The following ABLIM1 variants were observed in gnomAD, a reference collection of about 807,000 sequenced individuals.
The protein encoded by ABLIM1 is actin-binding LIM protein 1.
Under a neutral mutation model 107.0 loss-of-function variants are expected in ABLIM1, and 40 were observed. That is an observed-to-expected ratio of 0.37 (90% CI 0.29 to 0.49). The LOEUF is 0.49. ABLIM1 is among the 20% of genes least tolerant of loss of function. ABLIM1 has a pLI of 0.97. For missense variants in ABLIM1, 857 were observed against 1,008.5 expected, an observed-to-expected ratio of 0.85 and a Z score of 2.04; for synonymous variants, 357 against 357.3, an observed-to-expected ratio of 1.00 and a Z score of 0.01.
chr10:114,539,373 C>A (rs576042269), intron 6 of ABLIM1, among the ~76,000 whole-genome samples: 41 of 151,878 alleles, frequency 2.7e-4, no homozygotes, highest in African/African-American at 6.8e-4. Flanking sequence ...ACAACAACAA[C>A]AAAAAAGAGG....
chr10:114,774,304 G>A, the ABLIM1 span, among the ~76,000 whole-genome samples: 1 of 152,170 alleles, frequency 6.6e-6, no homozygotes, highest in African/African-American at 2.4e-5. Context: ...AATAAAGTGA[G>A]TCCTATGAAT....
intron 1 of ABLIM1, among the ~76,000 whole-genome samples, chr10:114,722,294 G>A (rs1302566587): frequency 6.6e-6 from 1 of 152,100 alleles, no homozygotes; most frequent in Non-Finnish European, 1.5e-5. Context: ...CACATGGTCA[G>A]AGCAGGAGGA....
At chr10:114,447,333 T>A (rs2061160181) in intron 15 of ABLIM1, among the ~76,000 whole-genome samples, 1 of 152,238 alleles carries the variant, frequency 6.6e-6, no homozygotes, top group Admixed American at 6.5e-5. Flanking sequence ...AGAAGTAATA[T>A]TTCAGAACAC....
At chr10:114,445,243 G>T in intron 16 of ABLIM1, 69 bp downstream of exon 16, 1 of 1,391,936 alleles carries the variant, frequency 7.2e-7, no homozygotes, top group Non-Finnish European at 1.0e-6. Flanking sequence ...ATACATAGTA[G>T]TCATTCAAAA....
At chr10:114,637,075 A>G (rs1413932141) in intron 1 of ABLIM1, among the ~76,000 whole-genome samples, 1 of 149,266 alleles carries the variant, frequency 6.7e-6, no homozygotes, top group East Asian at 2.0e-4. Context: ...GGAGGTTTGC[A>G]GATCACCAGG....
intron 6 of ABLIM1, among the ~76,000 whole-genome samples, chr10:114,508,150 A>AT (rs997675566): frequency 6.6e-5 from 10 of 152,078 alleles, no homozygotes; most frequent in Non-Finnish European, 1.5e-4. Context: ...ACATTACAAA[A>AT]TTTTTTTTCT....
chr10:114,703,734 T>C (rs2081350991), intron 1 of ABLIM1, among the ~76,000 whole-genome samples: 1 of 152,218 alleles, frequency 6.6e-6, no homozygotes. Context: ...TTGTTTACAT[T>C]ATGTACTGTG....
intron 1 of ABLIM1, among the ~76,000 whole-genome samples, chr10:114,603,782 C>T (rs1390117764): frequency 2.6e-5 from 4 of 151,732 alleles, no homozygotes; most frequent in South Asian, 2.1e-4. Flanking sequence ...GGTGAAACCC[C>T]GTCTCTACTA....
intron 4 of ABLIM1, among the ~76,000 whole-genome samples, chr10:114,569,487 T>G (rs991947995): frequency 1.3e-5 from 2 of 151,984 alleles, no homozygotes; most frequent in Non-Finnish European, 2.9e-5. Flanking sequence ...GCTCGGCTAA[T>G]TTTTGTATTT....
chr10:114,619,032 TA>T lies in ABLIM1; in HGVS notation c.245-17072del, dbSNP rs1310202399. ...TTGCAAGGGTGCTTTCAAGTCAAGA[TA>T]GGGGTGATGACAGACATGCCCTGCA... is the stretch of plus-strand genomic sequence containing the variant. On this transcript the variant is annotated intron_variant, in intron 1 of 22. Transcript: ENST00000533213. This position sits in a 1 kb window ranked among gnomAD's most constrained non-coding sequence, Gnocchi z 4.1. 6.6e-6 allele frequency among the ~76,000 whole-genome samples: 1 copy of T among 152,106 alleles called. No individual in the cohort carries two copies. The highest frequency in any genetic ancestry group is 2.4e-5 in the African/African-American group (1 of 41,418).
At chr10:114,585,713 A>G (rs1313440384) in intron 2 of ABLIM1, among the ~76,000 whole-genome samples, 1 of 152,016 alleles carries the variant, frequency 6.6e-6, no homozygotes, top group Admixed American at 6.6e-5. Flanking sequence ...TCTTTTTACC[A>G]CTATGGTGAT....
rs531198180 is a variant in ABLIM1 at position 114,667,307 on chromosome 10, T to C, written c.64+16983A>G. On this transcript the variant is annotated intron_variant, in intron 1 of 23. Coordinates refer to the ABLIM1 transcript ENST00000369256. ...CTGTGAACCACTGCAAAAGTGACCA[T>C]GTAGTCCCAAAAACAGTGTATGATA... Among the ~76,000 whole-genome samples, 13 of 152,328 alleles carry C rather than the reference T, an allele frequency of 8.5e-5. No individual in the cohort carries two copies. In the South Asian group the frequency reaches 2.1e-3, roughly 24 times the overall value.
intron 6 of ABLIM1, among the ~76,000 whole-genome samples, chr10:114,539,083 C>G (rs1401923669): frequency 6.6e-6 from 1 of 152,178 alleles, no homozygotes; most frequent in Non-Finnish European, 1.5e-5. Context: ...TGGGGCTGGG[C>G]GCAGTGGCTC....
intron 7 of ABLIM1, among the ~76,000 whole-genome samples, chr10:114,489,624 G>A (rs2058660141): frequency 6.6e-6 from 1 of 152,110 alleles, no homozygotes; most frequent in African/African-American, 2.4e-5. Context: ...TGAATGCAGA[G>A]GGCCCAGGGG....
At chr10:114,705,912 A>G (rs1417244861) in intron 1 of ABLIM1, among the ~76,000 whole-genome samples, 2 of 152,218 alleles carry the variant, frequency 1.3e-5, no homozygotes, top group Non-Finnish European at 1.5e-5. Flanking sequence ...TTGTTAATAC[A>G]TTTCACCAGG....
chr10:114,790,458 A>C, the ABLIM1 span, among the ~76,000 whole-genome samples: 1 of 152,204 alleles, frequency 6.6e-6, no homozygotes, highest in South Asian at 2.1e-4. Context: ...GAAAAACCCT[A>C]GTGAATTTAA....
At chr10:114,676,708 G>A (rs1257605666) in intron 1 of ABLIM1, among the ~76,000 whole-genome samples, 1 of 151,846 alleles carries the variant, frequency 6.6e-6, no homozygotes, top group Non-Finnish European at 1.5e-5. Context: ...TCACTGTGCG[G>A]TTTTATTTTA....
At chr10:114,498,459 G>C (rs900632027) in intron 6 of ABLIM1, among the ~76,000 whole-genome samples, 1 of 152,170 alleles carries the variant, frequency 6.6e-6, no homozygotes, top group African/African-American at 2.4e-5. Context: ...AAAGAGAATT[G>C]TAATTCTAGA....
intron 21 of ABLIM1, 110 bp from the exon 22 acceptor site, chr10:114,438,034 T>C: frequency 9.5e-7 from 1 of 1,052,072 alleles, no homozygotes; most frequent in East Asian, 2.5e-5. Context: ...GAGACTGTCA[T>C]GACAGAATTC....
Sources: gnomAD v4.1 joint callset for allele counts (sites outside exome capture counted in the v4.1 genomes callset) on GRCh38, gnomAD v4.1.1 for gene constraint, Gnocchi (gnomAD v3.1) non-coding constraint, MANE v1.5 for transcripts, NCBI Gene and HGNC (gene_info 2026-07-23, HGNC 2026-07-21) for gene names.